Variants in LIMCH1 observed in about 807,000 individuals in gnomAD.
LIMCH1 encodes LIM and calponin homology domains 1.
LIMCH1 carries 113 observed loss-of-function variants against 176.5 expected under a neutral mutation model. The observed-to-expected ratio is 0.64, with a 90% CI of 0.55 to 0.75. LIMCH1 has a LOEUF of 0.75. LIMCH1 is among the 30% of genes least tolerant of loss of function. The pLI is 0.00. For synonymous variants in LIMCH1, 619 were observed against 645.9 expected, an observed-to-expected ratio of 0.96 and a Z score of 0.63; for missense variants, 1,674 against 1,814.9, an observed-to-expected ratio of 0.92 and a Z score of 1.41.
At chr4:41,433,541 G>A (rs542204226) in intron 1 of LIMCH1, among the ~76,000 whole-genome samples, 132 of 152,228 alleles carry the variant, frequency 8.7e-4, no homozygotes, top group African/African-American at 3.0e-3. Flanking sequence ...TCACATGTCT[G>A]GTACCTCAGT....
chr4:41,390,540 T>C (rs943274707), intron 1 of LIMCH1, among the ~76,000 whole-genome samples: 2 of 152,162 alleles, frequency 1.3e-5, no homozygotes, highest in African/African-American at 4.8e-5. Flanking sequence ...CAAAGAAAAA[T>C]ACATGATGCC....
intron 1 of LIMCH1, among the ~76,000 whole-genome samples, chr4:41,384,290 C>T (rs1398295576): frequency 2.0e-5 from 3 of 151,670 alleles, no homozygotes; most frequent in South Asian, 2.1e-4. Context: ...CTACAAGCTC[C>T]GTCTCCTGGG....
chr4:41,444,307 TATATATACACACACACAC>T (rs1032367782), intron 1 of LIMCH1, among the ~76,000 whole-genome samples: 4 of 72,500 alleles, frequency 5.5e-5, no homozygotes, highest in African/African-American at 4.2e-4. Context: ...TGTGTGTGTA[TATATATACACACACACAC>T]ACACACACAC....
At chr4:41,388,339 C>G (rs2056764443) in intron 1 of LIMCH1, among the ~76,000 whole-genome samples, 1 of 152,178 alleles carries the variant, frequency 6.6e-6, no homozygotes, top group South Asian at 2.1e-4. Context: ...GAATGAACTA[C>G]CAAACCTCAA....
At chr4:41,461,127 A>G (rs2065314051) in intron 1 of LIMCH1, among the ~76,000 whole-genome samples, 1 of 152,114 alleles carries the variant, frequency 6.6e-6, no homozygotes, top group South Asian at 2.1e-4. Flanking sequence ...AGCACCTATT[A>G]ATTTGTTGAA....
chr4:41,592,653 C>T (rs1028113330), intron 1 of LIMCH1, among the ~76,000 whole-genome samples: 1 of 152,140 alleles, frequency 6.6e-6, no homozygotes, highest in Non-Finnish European at 1.5e-5. Context: ...AGACGCTGAG[C>T]TGTGTTCTTA....
intron 1 of LIMCH1, among the ~76,000 whole-genome samples, chr4:41,373,492 C>A (rs1380625227): frequency 6.6e-6 from 1 of 152,240 alleles, no homozygotes; most frequent in East Asian, 1.9e-4. Context: ...TTTCTCCAAA[C>A]TCTCTCAAAT....
chr4:41,614,602 C>A (rs928270803), intron 5 of LIMCH1, among the ~76,000 whole-genome samples: 11 of 152,144 alleles, frequency 7.2e-5, no homozygotes, highest in African/African-American at 2.7e-4. Flanking sequence ...CTATAAAATT[C>A]TGTTACGAAA....
chr4:41,399,840 A>ATTTTTTTT (rs71198650), intron 1 of LIMCH1, among the ~76,000 whole-genome samples: 11,633 of 113,218 alleles, frequency 0.1, 811 homozygotes, highest in South Asian at 0.18. Context: ...TGCCCGGCTA[A>ATTTTTTTT]TTTTTTTTTT....
intron 30 of LIMCH1, 28 bp downstream of exon 30, chr4:41,689,663 A>G (rs762799420): frequency 7.5e-7 from 1 of 1,329,266 alleles, no homozygotes; most frequent in South Asian, 1.2e-5. Flanking sequence ...TGCTCTCCAG[A>G]CACAACTTCA....
chr4:41,669,313 T>A (rs1371295), intron 21 of LIMCH1, among the ~76,000 whole-genome samples: 85,307 of 152,066 alleles, frequency 0.56, 24,883 homozygotes, highest in African/African-American at 0.68. Flanking sequence ...TCATAATGTA[T>A]TCTAGTAATT....
intron 2 of LIMCH1, among the ~76,000 whole-genome samples, chr4:41,505,374 G>A (rs553471948): frequency 8.5e-5 from 13 of 152,288 alleles, no homozygotes; most frequent in African/African-American, 2.2e-4. Flanking sequence ...AGCAAGCCAC[G>A]GGATGAAGGC....
At chr4:41,432,870 A>G (rs2061722203) in intron 1 of LIMCH1, among the ~76,000 whole-genome samples, 1 of 152,216 alleles carries the variant, frequency 6.6e-6, no homozygotes, top group African/African-American at 2.4e-5. Context: ...CTGGTGCATA[A>G]TGTTCCAATC....
chr4:41,375,728 G>T (rs538432027), intron 1 of LIMCH1, among the ~76,000 whole-genome samples: 26 of 152,354 alleles, frequency 1.7e-4, no homozygotes, highest in Non-Finnish European at 3.7e-4. Flanking sequence ...TACAGCGGCT[G>T]TCGCCCACTG....
chr4:41,589,010 C>T (rs1232634955), intron 1 of LIMCH1, among the ~76,000 whole-genome samples: 1 of 152,158 alleles, frequency 6.6e-6, no homozygotes, highest in Admixed American at 6.5e-5. Context: ...TGCATTATTT[C>T]CTCCTCCTAG....
upstream of LIMCH1, among the ~76,000 whole-genome samples, chr4:41,533,408 G>A (rs907645553): frequency 7.2e-5 from 11 of 152,194 alleles, no homozygotes; most frequent in East Asian, 5.8e-4. Flanking sequence ...GGTTGTATCC[G>A]TCTATTGAGC....
chr4:41,616,244 G>A (rs2092056526), intron 5 of LIMCH1, among the ~76,000 whole-genome samples: 1 of 152,012 alleles, frequency 6.6e-6, no homozygotes, highest in South Asian at 2.1e-4. Flanking sequence ...TTGGGGGTGT[G>A]TACGGCAAAG....
chr4:41,437,935 A>C (rs929444732), intron 1 of LIMCH1, among the ~76,000 whole-genome samples: 3 of 152,170 alleles, frequency 2.0e-5, no homozygotes, highest in African/African-American at 7.2e-5. Context: ...TTAAGTCTGG[A>C]CCCTGCAGTG....
intron 1 of LIMCH1, 107 bp downstream of exon 1, chr4:41,538,457 A>T (rs1320883996): frequency 3.5e-6 from 2 of 574,738 alleles, no homozygotes; most frequent in Non-Finnish European, 4.4e-6. Flanking sequence ...GTGACTTTTT[A>T]TTCACTTATT....
Sources: allele counts gnomAD v4.1 joint callset (sites outside exome capture counted in the v4.1 genomes callset), GRCh38; gene constraint gnomAD v4.1.1; transcripts MANE v1.5; gene names NCBI Gene and HGNC (gene_info 2026-07-23, HGNC 2026-07-21).